Variants in AK8 observed in about 807,000 individuals in gnomAD.
AK8 encodes the protein adenylate kinase 8.
In AK8, 44 loss-of-function variants were observed where a neutral mutation model predicts 54.6. The ratio of observed to expected loss-of-function variants is 0.81; its 90% confidence interval spans 0.63 to 1.04. The LOEUF is 1.04. Ranked by LOEUF, AK8 falls within the 50% of genes least tolerant of loss-of-function variation. The probability of loss-of-function intolerance (pLI) is 0.00; values close to 1 mark genes in which losing one functional copy is unlikely to be tolerated. For missense variants in AK8, 555 were observed against 613.6 expected, an observed-to-expected ratio of 0.90 and a Z score of 1.01; for synonymous variants, 239 against 245.6, an observed-to-expected ratio of 0.97 and a Z score of 0.25.
intron 5 of AK8, among the ~76,000 whole-genome samples, chr9:132,839,097 C>T (rs1842436522): frequency 6.6e-6 from 1 of 152,114 alleles, no homozygotes; most frequent in Admixed American, 6.5e-5. Flanking sequence ...GCGCCCACCA[C>T]CACACCTGGC....
chr9:132,756,953 C>A (rs900389860), intron 11 of AK8, among the ~76,000 whole-genome samples: 1 of 152,082 alleles, frequency 6.6e-6, no homozygotes, highest in Non-Finnish European at 1.5e-5. Flanking sequence ...ATTTCCCCCC[C>A]AAATATTTAT....
At chr9:132,877,983 G>C in intron 1 of AK8, 189 bp downstream of exon 1, 3 of 1,441,064 alleles carry the variant, frequency 2.1e-6, no homozygotes, top group Non-Finnish European at 2.8e-6. Flanking sequence ...ACCCGGGCAG[G>C]ACCAGGAGCG....
At chr9:132,866,864 A>T in intron 3 of AK8, 40 bp downstream of exon 3, 1 of 1,594,702 alleles carries the variant, frequency 6.3e-7, no homozygotes, top group African/African-American at 1.3e-5. Flanking sequence ...AGGATCAATG[A>T]GATATTACAG....
chr9:132,767,105 C>A (rs1838756660), intron 11 of AK8, among the ~76,000 whole-genome samples: 1 of 151,984 alleles, frequency 6.6e-6, no homozygotes. Flanking sequence ...AAAGGACAGG[C>A]AACAAAAACA....
At chr9:132,845,778 C>CAAAA (rs35258934) in intron 5 of AK8, among the ~76,000 whole-genome samples, 1 of 108,858 alleles carries the variant, frequency 9.2e-6, no homozygotes, top group Non-Finnish European at 1.8e-5. Flanking sequence ...AACTCCATCT[C>CAAAA]AAAAAAAAAA....
chr9:132,847,905 A>T (rs1465010606), intron 5 of AK8, among the ~76,000 whole-genome samples: 1 of 151,998 alleles, frequency 6.6e-6, no homozygotes, highest in East Asian at 1.9e-4. Flanking sequence ...GTTTCAGCCC[A>T]GTTTAAGATC....
intron 11 of AK8, among the ~76,000 whole-genome samples, chr9:132,752,131 C>T (rs1180555506): frequency 4.4e-5 from 5 of 112,790 alleles, no homozygotes; most frequent in African/African-American, 1.3e-4. Flanking sequence ...TGCGAGCCAC[C>T]GTGCCCAGCC....
At chr9:132,855,009 A>C in intron 4 of AK8, 84 bp from the exon 5 acceptor site, 1 of 1,428,702 alleles carries the variant, frequency 7.0e-7, no homozygotes. Flanking sequence ...CCCTTCACCA[A>C]CGCCCTGGCC....
intron 10 of AK8, among the ~76,000 whole-genome samples, chr9:132,802,811 AC>A (rs1840529605): frequency 6.6e-6 from 1 of 152,096 alleles, no homozygotes; most frequent in Non-Finnish European, 1.5e-5. Context: ...CAGAGTCGAG[AC>A]CTCCTTGCCA....
At chr9:132,874,223 T>A (rs1265822930) in intron 2 of AK8, 1 of 152,176 alleles carries the variant, frequency 6.6e-6, no homozygotes, top group Non-Finnish European at 1.5e-5. Flanking sequence ...GACCCAAGAT[T>A]CCCTTACTCT....
chr9:132,833,683 A>G (rs1842199032), intron 5 of AK8, among the ~76,000 whole-genome samples: 1 of 152,202 alleles, frequency 6.6e-6, no homozygotes, highest in Non-Finnish European at 1.5e-5. Context: ...GGGGTATGGT[A>G]TCACAGGAGG....
At chr9:132,753,807 G>A (rs746511359) in intron 11 of AK8, among the ~76,000 whole-genome samples, 2 of 152,224 alleles carry the variant, frequency 1.3e-5, no homozygotes, top group Non-Finnish European at 2.9e-5. Context: ...GGAGTGGCAC[G>A]CAGGTGACAA....
chr9:132,853,337 G>A (rs139935306), intron 5 of AK8, among the ~76,000 whole-genome samples: 4,252 of 128,010 alleles, frequency 0.033, 138 homozygotes, highest in Middle Eastern at 0.059. Flanking sequence ...CTACCTGGGC[G>A]ACAGAATGAG....
Position 132,742,927 on chromosome 9 carries a change from G to A in AK8, c.1122-15393C>T, listed in dbSNP as rs564567564. 9.2e-5 allele frequency among the ~76,000 whole-genome samples: 14 copies of A among 152,296 alleles called. 1 individual carries two copies. In the South Asian group the frequency reaches 2.3e-3, roughly 25 times the overall value. The stretch of plus-strand genomic sequence containing the variant: ...CAATCCAAGTTCCCCCGCCAGAAGC[G>A]ATGGAGCCACGACTCAACCCAGGTG... On this transcript the variant is annotated intron_variant, in intron 11 of 12. Transcript: ENST00000298545.
intron 11 of AK8, among the ~76,000 whole-genome samples, chr9:132,730,900 G>A (rs984960821): frequency 6.6e-6 from 1 of 152,184 alleles, no homozygotes; most frequent in African/African-American, 2.4e-5. Flanking sequence ...GAAAGCCGGG[G>A]CTGCCCCCGA....
At chr9:132,821,750 TAC>T in intron 9 of AK8, among the ~76,000 whole-genome samples, 3 of 128,382 alleles carry the variant, frequency 2.3e-5, no homozygotes, top group African/African-American at 3.7e-5. Flanking sequence ...TGTATGTATA[TAC>T]AAATATATAC....
At chr9:132,727,337 T>A in intron 12 of AK8, 117 bp downstream of exon 12, 1 of 918,352 alleles carries the variant, frequency 1.1e-6, no homozygotes, top group Non-Finnish European at 1.8e-6. Flanking sequence ...TTGATAATCG[T>A]CCTTCAGTGG....
In AK8 at chr9:132,740,592, G is replaced by A. The variant is rs934222203; in HGVS notation, c.1122-13058C>T. 3.9e-5 allele frequency among the ~76,000 whole-genome samples: 6 copies of A among 152,300 alleles called. No homozygotes were observed. The South Asian group carries it at 1.2e-3, about 32-fold the overall frequency. On this transcript the variant is annotated intron_variant, in intron 11 of 12. Coordinates refer to ENST00000298545, the MANE Select transcript of AK8 (RefSeq NM_152572.3). Reference sequence around the variant, plus strand: ...GGGAAGAAGTAAGGTTCCCGACTACGCAGTGGAATGAGCAGCTGGAATGGG... The same window carrying A: ...GGGAAGAAGTAAGGTTCCCGACTACACAGTGGAATGAGCAGCTGGAATGGG...
At chr9:132,735,251 T>C (rs1310764799) in intron 11 of AK8, among the ~76,000 whole-genome samples, 1 of 152,204 alleles carries the variant, frequency 6.6e-6, no homozygotes, top group Non-Finnish European at 1.5e-5. Context: ...GAGATTCTGT[T>C]TGAAGAACAC....
Sources: allele counts gnomAD v4.1 joint callset (sites outside exome capture counted in the v4.1 genomes callset), GRCh38; gene constraint gnomAD v4.1.1; transcripts MANE v1.5; gene names NCBI Gene and HGNC (gene_info 2026-07-23, HGNC 2026-07-21).